Variants in KIF3C observed in about 807,000 individuals in gnomAD.
KIF3C encodes kinesin-like protein KIF3C.
A neutral mutation model predicts 67.7 loss-of-function variants in KIF3C; 12 were observed. The observed-to-expected ratio is 0.18, with a 90% CI of 0.11 to 0.29. The LOEUF is 0.29. Among genes scored for constraint, KIF3C ranks in the 10% least tolerant of loss-of-function variants. KIF3C has a pLI of 1.00. For missense variants in KIF3C, 789 were observed against 1,059.6 expected (o/e 0.74, Z 3.55); for synonymous variants, 393 against 426.2 (o/e 0.92, Z 0.96).
intron 4 of KIF3C, among the ~76,000 whole-genome samples, chr2:25,952,824 C>T (rs1043396831): frequency 6.6e-6 from 1 of 151,942 alleles, no homozygotes; most frequent in Non-Finnish European, 1.5e-5. Context: ...TCCCAAAGTG[C>T]TGGGATTACA....
intron 5 of KIF3C, 156 bp downstream of exon 5, chr2:25,951,633 C>G: frequency 1.7e-6 from 1 of 590,668 alleles, no homozygotes; most frequent in South Asian, 2.0e-5. Flanking sequence ...ACAATTAGAT[C>G]CTGAGAAATT....
intron 5 of KIF3C, among the ~76,000 whole-genome samples, chr2:25,930,536 T>C (rs1203405396): frequency 2.0e-5 from 3 of 152,120 alleles, no homozygotes; most frequent in Admixed American, 1.3e-4. Flanking sequence ...TTTTACTTTA[T>C]TTTATTTTTT....
chr2:25,964,437 C>G (rs183899951), intron 1 of KIF3C, among the ~76,000 whole-genome samples: 1 of 152,238 alleles, frequency 6.6e-6, no homozygotes, highest in East Asian at 1.9e-4. Context: ...CCAACATACT[C>G]TATATTGTGT....
At position 25,955,970 on chromosome 2, in the gene KIF3C, C is replaced by G. The variant is rs1477192968; in HGVS notation, c.1648-307G>C. 6.6e-6 allele frequency among the ~76,000 whole-genome samples: 1 copy of G among 152,156 alleles called. No individual in the cohort carries two copies. Among genetic ancestry groups the G allele is most frequent in the African/African-American group, 2.4e-5 (1 of 41,432 alleles). On this transcript the variant is annotated intron_variant, in intron 2 of 7. Transcript: ENST00000264712. The surrounding 1 kb of genome is among the most constrained non-coding windows in gnomAD (Gnocchi z 5.0). The stretch of plus-strand genomic sequence containing the variant: ...CACACTGCCTTCCAAGCTGCCTCAC[C>G]CTCTCCCCAAGTAGTATAATGGTTG...
chr2:25,969,457 C>T (rs182933560), intron 1 of KIF3C, among the ~76,000 whole-genome samples: 1 of 152,160 alleles, frequency 6.6e-6, no homozygotes, highest in East Asian at 1.9e-4. Context: ...TAACCAAACA[C>T]CACCTGTTCC....
At chr2:25,978,789 T>C (rs1029911913) in intron 1 of KIF3C, among the ~76,000 whole-genome samples, 2 of 152,012 alleles carry the variant, frequency 1.3e-5, no homozygotes, top group Non-Finnish European at 1.5e-5. Context: ...AATGGCAGAT[T>C]GACCAGGTAA....
At position 25,980,717 on chromosome 2, in the gene KIF3C, C is replaced by G; in HGVS notation, c.1201G>C (p.Gly401Arg). Residue 401 changes from glycine to arginine, a missense_variant, in exon 1 of 8, where the codon GGG becomes CGG. Gly to Arg is a moderately radical substitution (Grantham distance 125). Coordinates refer to ENST00000264712, the MANE Select transcript of KIF3C (RefSeq NM_002254.8). This position sits in a 1 kb window ranked among gnomAD's most constrained non-coding sequence, Gnocchi z 7.6. ...CTGCTCTTCCTCCGGGGCCGCTTCC[C>G]CAGCATCCCCCTCTTCTCCAGCTGG... is the stretch of plus-strand genomic sequence containing the variant. ...KAQLEKRGMLGKRPRRKSSRR... is the reference protein window; with the variant it reads ...KAQLEKRGMLRKRPRRKSSRR... 1 of 1,614,166 alleles carries G rather than the reference C, an allele frequency of 6.2e-7. No homozygotes were observed. The highest frequency in any genetic ancestry group is 1.1e-5 in the South Asian group (1 of 91,090).
Position 25,954,283 on chromosome 2 carries a change from G to T in KIF3C, c.1873C>A (p.Arg625Ser). Residue 625 changes from arginine to serine, a missense_variant, in exon 4 of 8, where the codon CGC (arginine) becomes AGC (serine). By Grantham distance (110) the Arg-to-Ser change is moderately radical. Coordinates refer to ENST00000264712, the MANE Select transcript of KIF3C (RefSeq NM_002254.8). ...DLEEAQNEQT[R>S]ELKLKYLIIE... Reference sequence around the variant, plus strand: ...GGGCCCTACTTGAGCTTGAGTTCGCGGGTCTGCTCGTTCTGCGCCTCCTCC... The same window carrying T: ...GGGCCCTACTTGAGCTTGAGTTCGCTGGTCTGCTCGTTCTGCGCCTCCTCC... The T allele has an allele frequency of 1.2e-6, 2 of 1,613,848 alleles. No individual in the cohort carries two copies. Among genetic ancestry groups the T allele is most frequent in the Non-Finnish European group, 1.7e-6 (2 of 1,179,790 alleles).
chr2:25,934,032 C>T, intron 5 of KIF3C: 1 of 424,730 alleles, frequency 2.4e-6, no homozygotes, highest in Non-Finnish European at 4.9e-6. Context: ...ATATTACTCA[C>T]CAATACAAAG....
At chr2:25,967,436 T>C (rs1314644760) in intron 1 of KIF3C, among the ~76,000 whole-genome samples, 2 of 152,194 alleles carry the variant, frequency 1.3e-5, no homozygotes, top group Non-Finnish European at 2.9e-5. Flanking sequence ...AAAACCTAGC[T>C]CTTCAGCCCT....
intron 5 of KIF3C, among the ~76,000 whole-genome samples, chr2:25,945,669 G>A (rs1189419297): frequency 2.0e-5 from 3 of 151,496 alleles, no homozygotes; most frequent in Non-Finnish European, 4.4e-5. Context: ...GGGAGGATTA[G>A]CGTGAAGCCA....
intron 1 of KIF3C, among the ~76,000 whole-genome samples, chr2:25,961,319 T>G (rs1041898517): frequency 1.3e-5 from 2 of 152,188 alleles, no homozygotes; most frequent in Non-Finnish European, 2.9e-5. Flanking sequence ...TGGAAAGCAC[T>G]CAAGTGTGAA....
At chr2:25,932,289 T>G (rs1015228083) in intron 5 of KIF3C, among the ~76,000 whole-genome samples, 3 of 151,636 alleles carry the variant, frequency 2.0e-5, no homozygotes, top group Middle Eastern at 6.8e-3. Flanking sequence ...CATAGGCCAC[T>G]GCGCCTGGCC....
At chr2:25,956,302 G>A (rs374008930) in intron 2 of KIF3C, 41 bp downstream of exon 2, 35 of 1,453,804 alleles carry the variant, frequency 2.4e-5, no homozygotes, top group Non-Finnish European at 2.8e-5. Context: ...ATGAGCTGCA[G>A]GCCACACTCT....
chr2:25,940,799 C>T (rs934547706), intron 5 of KIF3C, among the ~76,000 whole-genome samples: 2 of 151,256 alleles, frequency 1.3e-5, no homozygotes, highest in African/African-American at 4.9e-5. Flanking sequence ...ATTATAGGCG[C>T]CCACTACCAC....
intron 1 of KIF3C, among the ~76,000 whole-genome samples, chr2:25,968,567 C>A (rs1281157403): frequency 1.3e-5 from 2 of 152,148 alleles, no homozygotes; most frequent in Non-Finnish European, 2.9e-5. Context: ...TTCAGCAAAT[C>A]CAGACAACAG....
chr2:25,933,537 T>C (rs2090479372), intron 5 of KIF3C, among the ~76,000 whole-genome samples: 1 of 151,870 alleles, frequency 6.6e-6, no homozygotes, highest in Non-Finnish European at 1.5e-5. Context: ...TAGCAGGGTA[T>C]GGTAGCACAC....
chr2:25,978,503 G>A (rs1462283878), intron 1 of KIF3C, among the ~76,000 whole-genome samples: 3 of 152,122 alleles, frequency 2.0e-5, no homozygotes, highest in Admixed American at 6.5e-5. Context: ...GTTTTCCAAA[G>A]CTCCTGCCAA....
chr2:25,929,966 G>T lies in KIF3C; in HGVS notation c.2104C>A (p.Pro702Thr). The T allele has an allele frequency of 6.2e-7, 1 of 1,611,880 alleles. No individual in the cohort carries two copies. The highest frequency in any genetic ancestry group is 8.5e-7 in the Non-Finnish European group (1 of 1,177,978). ...TCTCCGCTTCTTACCCTGTACCTGG[G>T]GTGGGACCCCATTGCCATGGCAACC... Reference protein sequence around the residue: ...ARVAMAMGSHPRYRAENIMFL... With the variant: ...ARVAMAMGSHTRYRAENIMFL... The change falls in exon 6 of 8, where the codon CCC becomes ACC. Residue 702 changes from proline (P) to threonine (T), a missense_variant. By Grantham distance (38) the Pro-to-Thr change is conservative. Coordinates refer to ENST00000264712, the MANE Select transcript of KIF3C (RefSeq NM_002254.8).
Sources: gnomAD v4.1 joint callset for allele counts (sites outside exome capture counted in the v4.1 genomes callset) on GRCh38, gnomAD v4.1.1 for gene constraint, Gnocchi (gnomAD v3.1) non-coding constraint, MANE v1.5 for transcripts, NCBI Gene and HGNC (gene_info 2026-07-23, HGNC 2026-07-21) for gene names.